FFAR1: variants seen among roughly 807,000 people sequenced by gnomAD.
FFAR1 encodes G-protein coupled receptor 40.
For missense variants in FFAR1, 424 were observed against 396.2 expected (o/e 1.07, Z -0.60); for synonymous variants, 216 against 201.5 (o/e 1.07, Z -0.61).
rs757499169 is a variant in FFAR1 at position 35,352,218 on chromosome 19, G to A, written c.667G>A (p.Ala223Thr). ...GACGCACAGGCGGAAGCTGCGGGCCGCCTGGGTGGCCGGCGGGGCCCTCCT... is the reference window on the plus strand; with the variant it reads ...GACGCACAGGCGGAAGCTGCGGGCCACCTGGGTGGCCGGCGGGGCCCTCCT... Residue 223 changes from alanine to threonine, a missense_variant, in exon 1 of 1, where the codon GCC becomes ACC. Coordinates refer to ENST00000246553, the Ensembl canonical transcript of FFAR1. 3.8e-6 allele frequency: 6 copies of A among 1,577,964 alleles called. No homozygotes were observed. In the Admixed American group the frequency reaches 5.4e-5, roughly 14 times the overall value.
chr19:35,351,455 G>T, upstream of FFAR1: 1 of 1,096,174 alleles, frequency 9.1e-7, no homozygotes, highest in Non-Finnish European at 1.3e-6. Context: ...TGGAACCCGC[G>T]AGTGATCCCA....
chr19:35,351,842 G>A lies in FFAR1; in HGVS notation c.291G>A (p.Leu97=), dbSNP rs762356918. 5.0e-6 allele frequency: 8 copies of A among 1,610,496 alleles called. No individual in the cohort carries two copies. The Admixed American group carries it at 1.3e-4, about 27-fold the overall frequency. Residue 97 remains leucine (L), a synonymous_variant, in exon 1 of 1, where the codon CTG becomes CTA. Coordinates refer to ENST00000246553, the Ensembl canonical transcript of FFAR1. Reference sequence around the variant, plus strand: ...CACTCTATGCCGGCGGGGGCTTCCTGGCCGCCCTGAGTGCAGGCCGCTACC... The same window carrying A: ...CACTCTATGCCGGCGGGGGCTTCCTAGCCGCCCTGAGTGCAGGCCGCTACC...
exon 1 of FFAR1, chr19:35,352,088 C>A (rs1354862942): frequency 6.2e-7 from 1 of 1,612,920 alleles, no homozygotes; most frequent in South Asian, 1.1e-5. Context: ...CGGCCTCTGC[C>A]GGCCCGGCCC....
exon 1 of FFAR1, chr19:35,352,215 G>C: frequency 6.3e-7 from 1 of 1,585,288 alleles, no homozygotes; most frequent in Non-Finnish European, 8.6e-7. Flanking sequence ...GAAGCTGCGG[G>C]CCGCCTGGGT....
At chr19:35,352,803 A>AC in exon 1 of FFAR1, 1 of 358,122 alleles carries the variant, frequency 2.8e-6, no homozygotes, top group Non-Finnish European at 5.2e-6. Context: ...TCTGTTTCTG[A>AC]CCCACAGGAA....
chr19:35,350,541 C>T (rs1299072147), upstream of FFAR1, among the ~76,000 whole-genome samples: 2 of 152,130 alleles, frequency 1.3e-5, no homozygotes, highest in Non-Finnish European at 2.9e-5. Context: ...GTGGCCGAGC[C>T]CCCAAGCCCT....
rs571441443 is a variant in FFAR1 at position 35,352,090 on chromosome 19, G to T, written c.539G>T (p.Gly180Val). ...GAGGCCTGGGACCCGGCCTCTGCCG[G>T]CCCGGCCCGCTTCAGCCTCTCTCTC... Residue 180 changes from glycine to valine, a missense_variant, in exon 1 of 1, where the codon GGC becomes GTC. Coordinates refer to ENST00000246553, the Ensembl canonical transcript of FFAR1. 5.1e-5 allele frequency: 83 copies of T among 1,612,744 alleles called. No individual in the cohort carries two copies. The East Asian group carries it at 1.7e-3, about 32-fold the overall frequency.
chr19:35,348,638 G>A (rs528304687), upstream of FFAR1, among the ~76,000 whole-genome samples: 4 of 152,272 alleles, frequency 2.6e-5, no homozygotes, highest in South Asian at 2.1e-4. Context: ...GAGACAGGAG[G>A]GTGTTGGGGT....
chr19:35,352,791 A>G, exon 1 of FFAR1: 2 of 388,242 alleles, frequency 5.2e-6, no homozygotes, highest in South Asian at 6.4e-5. Flanking sequence ...AGGAGGAGGC[A>G]GTCTGTTTCT....
At chr19:35,348,321 A>T (rs2066929596), upstream of FFAR1, among the ~76,000 whole-genome samples, 1 of 152,258 alleles carries the variant, frequency 6.6e-6, no homozygotes, top group Non-Finnish European at 1.5e-5. Flanking sequence ...TTTAAAGCCC[A>T]GGCGTGGTGG....
exon 1 of FFAR1, chr19:35,351,602 G>A (rs2066944523): frequency 1.9e-6 from 3 of 1,541,362 alleles, no homozygotes; most frequent in South Asian, 2.4e-5. Context: ...CCGCCTTTGC[G>A]CTGGGCTTCC....
At chr19:35,352,569 G>A (rs2066950614) in exon 1 of FFAR1, 1 of 1,185,040 alleles carries the variant, frequency 8.4e-7, no homozygotes, top group Non-Finnish European at 1.2e-6. Flanking sequence ...GGCCTCCCTG[G>A]AGCCACTCAA....
chr19:35,353,583 A>G (rs1272642750), exon 1 of FFAR1: 1 of 152,258 alleles, frequency 6.6e-6, no homozygotes, highest in Non-Finnish European at 1.5e-5. Context: ...GTTACTGAAA[A>G]CATTATTAGA....
At chr19:35,352,308 C>A (rs993550748) in exon 1 of FFAR1, 1 of 1,552,426 alleles carries the variant, frequency 6.4e-7, no homozygotes, top group South Asian at 1.2e-5. Context: ...GTACCCCAAT[C>A]TAGGAGGCTC....
In FFAR1 at chr19:35,352,172, G is replaced by A; in HGVS notation, c.621G>A (p.Arg207=). 2.5e-6 allele frequency: 4 copies of A among 1,608,554 alleles called. No homozygotes were observed. In the Middle Eastern group the frequency reaches 6.6e-4, roughly 265 times the overall value. ...CCTTCTGCTACGTGGGCTGCCTCCG[G>A]GCACTGGCCCGCTCCGGCCTGACGC... The change falls in exon 1 of 1, where the codon CGG becomes CGA. Residue 207 remains arginine (R), a synonymous_variant. Transcript: ENST00000246553.
At chr19:35,348,890 A>C (rs1437703777), upstream of FFAR1, among the ~76,000 whole-genome samples, 2 of 152,218 alleles carry the variant, frequency 1.3e-5, no homozygotes, top group African/African-American at 4.8e-5. Flanking sequence ...GCTCCCTGGC[A>C]ACCATCGAGC....
upstream of FFAR1, among the ~76,000 whole-genome samples, chr19:35,349,118 G>A (rs949782962): frequency 4.6e-5 from 7 of 152,192 alleles, no homozygotes; most frequent in South Asian, 2.1e-4. Context: ...ACAATGGATC[G>A]TGCATTTAGG....
upstream of FFAR1, among the ~76,000 whole-genome samples, chr19:35,351,078 G>T (rs1484085614): frequency 1.3e-5 from 2 of 152,158 alleles, no homozygotes; most frequent in African/African-American, 2.4e-5. Context: ...GGGGGTGGGG[G>T]CAGCTCCTGC....
At chr19:35,349,058 C>T (rs545115656), upstream of FFAR1, among the ~76,000 whole-genome samples, 7 of 152,298 alleles carry the variant, frequency 4.6e-5, no homozygotes, top group East Asian at 9.6e-4. Flanking sequence ...GGACTCCAGA[C>T]GCAGGCCGCC....
Sources: gnomAD v4.1 joint callset for allele counts (sites outside exome capture counted in the v4.1 genomes callset) on GRCh38, gnomAD v4.1.1 for gene constraint, MANE v1.5 for transcripts, NCBI Gene and HGNC (gene_info 2026-07-23, HGNC 2026-07-21) for gene names.